CHSY3: variants seen among roughly 807,000 people sequenced by gnomAD.
CHSY3 encodes the protein N-acetylgalactosaminyl-proteoglycan 3-beta-glucuronosyltransferase 3.
CHSY3 carries 35 observed loss-of-function variants against 67.2 expected under a neutral mutation model. The ratio of observed to expected loss-of-function variants is 0.52; its 90% CI spans 0.40 to 0.69. The LOEUF (loss-of-function observed/expected upper bound fraction) is 0.69. CHSY3 is among the 30% of genes least tolerant of loss of function. The pLI is 0.00. For missense variants in CHSY3, 1,069 were observed against 1,138.5 expected (o/e 0.94, Z 0.88); for synonymous variants, 474 against 434.7 (o/e 1.09, Z -1.12).
At chr5:129,971,842 T>C (rs1045815244) in intron 2 of CHSY3, among the ~76,000 whole-genome samples, 1 of 151,980 alleles carries the variant, frequency 6.6e-6, no homozygotes, top group African/African-American at 2.4e-5. Context: ...AGTCTAAAAT[T>C]AGACATGAGA....
rs144237022 is a variant in CHSY3, at chr5:130,159,310, G to A, written c.1087-24919G>A. On this transcript the variant is annotated intron_variant, in intron 2 of 2. Transcript: ENST00000305031. ...CTCCCAACTAGCCAGGACTACAGGCGTGCGCCACCACACTCTGCTATTTTT... is the reference window on the plus strand; with the variant it reads ...CTCCCAACTAGCCAGGACTACAGGCATGCGCCACCACACTCTGCTATTTTT... Among the ~76,000 whole-genome samples the A allele has an allele frequency of 8.1e-4, 122 of 151,548 alleles. No homozygotes were observed. In the East Asian group the frequency reaches 0.017, roughly 21 times the overall value.
At chr5:130,145,848 A>C (rs1348972083) in intron 2 of CHSY3, among the ~76,000 whole-genome samples, 2 of 152,190 alleles carry the variant, frequency 1.3e-5, no homozygotes, top group Non-Finnish European at 2.9e-5. Flanking sequence ...TACATGAAAA[A>C]AAAAGTTCAA....
intron 2 of CHSY3, among the ~76,000 whole-genome samples, chr5:130,135,880 G>A (rs1033446516): frequency 8.5e-5 from 13 of 152,120 alleles, no homozygotes; most frequent in Non-Finnish European, 1.5e-5. Flanking sequence ...GTATATAATT[G>A]TTTAGAGACT....
intron 1 of CHSY3, 60 bp downstream of exon 1, chr5:129,905,691 CG>C: frequency 3.8e-6 from 6 of 1,573,914 alleles, no homozygotes; most frequent in Non-Finnish European, 5.2e-6. Flanking sequence ...TCTCTGTAAC[CG>C]GTCCTAGCCC....
At chr5:130,128,229 G>A (rs909093568) in intron 2 of CHSY3, among the ~76,000 whole-genome samples, 3 of 147,368 alleles carry the variant, frequency 2.0e-5, no homozygotes, top group African/African-American at 7.6e-5. Flanking sequence ...AAGAAAATGT[G>A]GTGTGTGTGT....
chr5:130,171,130 A>C (rs989316833), intron 2 of CHSY3, among the ~76,000 whole-genome samples: 1 of 152,142 alleles, frequency 6.6e-6, no homozygotes, highest in Non-Finnish European at 1.5e-5. Flanking sequence ...AATAAATGTA[A>C]AATTCTACTT....
At chr5:130,176,378 A>G (rs1770050913) in intron 2 of CHSY3, among the ~76,000 whole-genome samples, 1 of 152,228 alleles carries the variant, frequency 6.6e-6, no homozygotes, top group Non-Finnish European at 1.5e-5. Flanking sequence ...ATGTGGAGAA[A>G]TAAGAATGCT....
chr5:130,178,251 A>ATTTTTTT (rs1298647034), intron 2 of CHSY3, among the ~76,000 whole-genome samples: 2 of 62,746 alleles, frequency 3.2e-5, no homozygotes, highest in African/African-American at 1.6e-4. Context: ...ATATATATAT[A>ATTTTTTT]TATTTTTTTT....
chr5:130,113,819 A>C (rs566029875), intron 2 of CHSY3, among the ~76,000 whole-genome samples: 6 of 152,218 alleles, frequency 3.9e-5, no homozygotes, highest in Non-Finnish European at 8.8e-5. Flanking sequence ...CTACAAAAAT[A>C]TGCTCCATCC....
At chr5:129,997,118 AT>A (rs1006735288) in intron 2 of CHSY3, among the ~76,000 whole-genome samples, 1 of 107,676 alleles carries the variant, frequency 9.3e-6, no homozygotes, top group African/African-American at 3.4e-5. Flanking sequence ...GATTCAAAGC[AT>A]TTAAAAAAAA....
At chr5:130,101,455 G>A (rs957840905) in intron 2 of CHSY3, among the ~76,000 whole-genome samples, 23 of 151,974 alleles carry the variant, frequency 1.5e-4, no homozygotes, top group African/African-American at 4.6e-4. Flanking sequence ...ATTTTTCAAC[G>A]TATCCTGTTT....
intron 2 of CHSY3, among the ~76,000 whole-genome samples, chr5:130,005,705 T>G (rs1235102190): frequency 6.6e-6 from 1 of 152,174 alleles, no homozygotes; most frequent in Non-Finnish European, 1.5e-5. Flanking sequence ...TTTTTTATAT[T>G]CGAATCTGCA....
chr5:130,098,720 C>A (rs1478836442), intron 2 of CHSY3, among the ~76,000 whole-genome samples: 1 of 152,150 alleles, frequency 6.6e-6, no homozygotes, highest in Non-Finnish European at 1.5e-5. Context: ...TCCACTTTCT[C>A]AGGCTCAGGA....
chr5:129,933,482 A>C (rs1008394252), intron 2 of CHSY3, among the ~76,000 whole-genome samples: 11 of 125,114 alleles, frequency 8.8e-5, no homozygotes, highest in African/African-American at 2.9e-4. Flanking sequence ...AAATCTGAAT[A>C]TTATATTTAA....
intron 2 of CHSY3, among the ~76,000 whole-genome samples, chr5:129,986,464 C>T (rs138787558): frequency 2.2e-3 from 334 of 152,018 alleles, no homozygotes; most frequent in African/African-American, 4.8e-3. Flanking sequence ...ATTGTTCATC[C>T]GGGATATTGG....
chr5:130,163,493 C>G (rs550931287), intron 2 of CHSY3, among the ~76,000 whole-genome samples: 64 of 152,230 alleles, frequency 4.2e-4, no homozygotes, highest in Non-Finnish European at 8.2e-4. Context: ...AACTTCTGGA[C>G]CTTTCTTAAC....
At chr5:130,085,095 T>C (rs974187558) in intron 2 of CHSY3, among the ~76,000 whole-genome samples, 9 of 151,926 alleles carry the variant, frequency 5.9e-5, no homozygotes, top group Admixed American at 5.9e-4. Context: ...TGAACTAACT[T>C]TTCAGGTTAA....
intron 2 of CHSY3, among the ~76,000 whole-genome samples, chr5:130,157,712 C>T (rs1470504957): frequency 6.6e-6 from 1 of 151,844 alleles, no homozygotes; most frequent in South Asian, 2.1e-4. Flanking sequence ...CGAGGTGAAT[C>T]CATAGGGTAA....
rs1025286554 is a variant in CHSY3 at position 130,172,313 on chromosome 5, T to C, written c.1087-11916T>C. Among the ~76,000 whole-genome samples, 3 of 17,042 alleles carry C rather than the reference T, an allele frequency of 1.8e-4. No homozygotes were observed. In the Admixed American group the frequency reaches 2.7e-3, roughly 15 times the overall value. 11.2% of individuals were successfully genotyped at this position (17,042 alleles called of 152,430 possible). On this transcript the variant is annotated intron_variant, in intron 2 of 2. Coordinates refer to ENST00000305031, the MANE Select transcript of CHSY3 (RefSeq NM_175856.5). ...TTATTATTTAACTCTTTTTTTTCTT[T>C]TCTTTTCTTTTCTTTTTTTTTTTTT... is the stretch of plus-strand genomic sequence containing the variant.
Sources: allele counts gnomAD v4.1 joint callset (sites outside exome capture counted in the v4.1 genomes callset), GRCh38; gene constraint gnomAD v4.1.1; transcripts MANE v1.5; gene names NCBI Gene and HGNC (gene_info 2026-07-23, HGNC 2026-07-21).